KLHL29: variants seen among roughly 807,000 people sequenced by gnomAD.
KLHL29 encodes the protein kelch-like protein 29.
Under a neutral mutation model 80.4 loss-of-function variants are expected in KLHL29, and 21 were observed. That is an observed-to-expected ratio of 0.26 (90% CI 0.19 to 0.38). The LOEUF is 0.38. KLHL29 is among the 10% of genes least tolerant of loss of function. The pLI is 1.00. For missense variants in KLHL29, 867 were observed against 1,223.9 expected, an observed-to-expected ratio of 0.71 and a Z score of 4.35; for synonymous variants, 511 against 526.8, an observed-to-expected ratio of 0.97 and a Z score of 0.41.
chr2:23,648,249 AGG>A (rs1293414453), intron 5 of KLHL29, among the ~76,000 whole-genome samples: 1 of 152,126 alleles, frequency 6.6e-6, no homozygotes, highest in Non-Finnish European at 1.5e-5. Flanking sequence ...CATCTATAAA[AGG>A]GGGAGAAGAC....
At chr2:23,662,460 A>AGATAC (rs1303770226) in intron 5 of KLHL29, among the ~76,000 whole-genome samples, 4 of 152,154 alleles carry the variant, frequency 2.6e-5, no homozygotes, top group Non-Finnish European at 5.9e-5. Flanking sequence ...GGCCAAGATA[A>AGATAC]GCCTTTGGCC....
chr2:23,423,120 C>T (rs1263904380), intron 1 of KLHL29, among the ~76,000 whole-genome samples: 4 of 152,206 alleles, frequency 2.6e-5, no homozygotes, highest in Non-Finnish European at 5.9e-5. Flanking sequence ...GTGGGGTTGG[C>T]GGGCCCCGCA....
At chr2:23,463,708 C>A (rs1664277711) in intron 1 of KLHL29, among the ~76,000 whole-genome samples, 1 of 152,158 alleles carries the variant, frequency 6.6e-6, no homozygotes, top group Non-Finnish European at 1.5e-5. Context: ...AGCCGTAAGC[C>A]CCTTCTGACC....
intron 1 of KLHL29, among the ~76,000 whole-genome samples, chr2:23,428,145 G>A (rs1663056722): frequency 6.6e-6 from 1 of 152,208 alleles, no homozygotes; most frequent in Non-Finnish European, 1.5e-5. Flanking sequence ...CCTCATCCAC[G>A]ACAGCTGCCA....
chr2:23,488,431 A>G (rs942549858), intron 2 of KLHL29, among the ~76,000 whole-genome samples: 3 of 152,132 alleles, frequency 2.0e-5, no homozygotes, highest in African/African-American at 7.2e-5. Context: ...AGCCTCTACT[A>G]TGGGGCCTTG....
At chr2:23,465,972 G>A (rs928355362) in intron 1 of KLHL29, among the ~76,000 whole-genome samples, 2 of 152,008 alleles carry the variant, frequency 1.3e-5, no homozygotes, top group African/African-American at 4.8e-5. Context: ...ACTTTCATGT[G>A]TGTCTCAGAG....
In KLHL29 at chr2:23,706,467, C is replaced by G. The variant is rs1295635229; in HGVS notation, c.2445-14C>G. 6.8e-7 allele frequency: 1 copy of G among 1,466,108 alleles called. No individual in the cohort carries two copies. The highest frequency in any genetic ancestry group is 9.0e-7 in the Non-Finnish European group (1 of 1,109,262). 90.8% of individuals were successfully genotyped at this position (1,466,108 alleles called of 1,614,324 possible). A position where few individuals can be genotyped will look rare whatever the true frequency, so the allele number is the denominator to read the frequency against. On this transcript the variant is annotated splice_polypyrimidine_tract_variant and intron_variant, in intron 13 of 13. Coordinates refer to ENST00000486442, the MANE Select transcript of KLHL29 (RefSeq NM_052920.2). Reference sequence around the variant, plus strand: ...AGTGAAATGCCTAACTCTGTCCCCGCTTTCCCCCAACAGTGCTGTGGTGCT... The same window carrying G: ...AGTGAAATGCCTAACTCTGTCCCCGGTTTCCCCCAACAGTGCTGTGGTGCT...
chr2:23,694,991 C>G (rs1468102141), intron 8 of KLHL29, among the ~76,000 whole-genome samples: 2 of 152,106 alleles, frequency 1.3e-5, no homozygotes, highest in Admixed American at 6.5e-5. Flanking sequence ...ATGGTGGTCT[C>G]GTTACTCATG....
chr2:23,397,319 C>G (rs553649633), intron 1 of KLHL29, among the ~76,000 whole-genome samples: 1 of 152,374 alleles, frequency 6.6e-6, no homozygotes, highest in South Asian at 2.1e-4. Flanking sequence ...GTGAGCAGGG[C>G]TTTTCAGAGC....
intron 1 of KLHL29, among the ~76,000 whole-genome samples, chr2:23,424,546 A>G (rs1390498443): frequency 1.3e-5 from 2 of 152,238 alleles, no homozygotes; most frequent in African/African-American, 2.4e-5. Context: ...TGAGGAGCCT[A>G]AGAATGATAA....
In KLHL29 at chr2:23,611,954, C is replaced by G. The variant is rs542661116; in HGVS notation, c.286-27185C>G. ...AAATCCACCTTAAGTAAAGAGAGAC[C>G]AGAGAAAAAATGCAAAAAAAGGCGG... On this transcript the variant is annotated intron_variant, in intron 3 of 13. Transcript: ENST00000486442. Among the ~76,000 whole-genome samples the G allele has an allele frequency of 1.8e-4, 27 of 148,914 alleles. No homozygotes were observed. In the East Asian group the frequency reaches 4.9e-3, roughly 27 times the overall value.
intron 2 of KLHL29, among the ~76,000 whole-genome samples, chr2:23,484,996 A>G (rs1173485390): frequency 6.6e-6 from 1 of 152,118 alleles, no homozygotes; most frequent in Non-Finnish European, 1.5e-5. Context: ...CTCTGATGCC[A>G]TTATGCCATT....
In KLHL29 at chr2:23,696,709, C is replaced by T. The variant is rs1007445109; in HGVS notation, c.2105+196C>T. The T allele has an allele frequency of 1.9e-5, 10 of 529,790 alleles. No individual in the cohort carries two copies. The African/African-American group carries it at 2.0e-4, about 10-fold the overall frequency. The allele number at this position is 529,790 out of a possible 1,614,324, so 32.8% of individuals were successfully genotyped here. On this transcript the variant is annotated intron_variant, in intron 11 of 13. Transcript: ENST00000486442. This position sits in a 1 kb window ranked among gnomAD's most constrained non-coding sequence, Gnocchi z 5.5. The stretch of plus-strand genomic sequence containing the variant: ...TGTGGGATACAAGCAGATGGGATGA[C>T]ATCTGTGTCACCTTTGCAGTCGCTG...
At chr2:23,692,710 C>T (rs944466612) in intron 7 of KLHL29, among the ~76,000 whole-genome samples, 2 of 151,826 alleles carry the variant, frequency 1.3e-5, no homozygotes, top group Non-Finnish European at 2.9e-5. Flanking sequence ...ATTGGGTAAA[C>T]AGGATACGGA....
chr2:23,626,130 C>G (rs750651816), intron 3 of KLHL29, among the ~76,000 whole-genome samples: 1 of 152,182 alleles, frequency 6.6e-6, no homozygotes. Flanking sequence ...TGAAACTATT[C>G]CACCTCCGAT....
intron 2 of KLHL29, among the ~76,000 whole-genome samples, chr2:23,513,639 T>A (rs773368376): frequency 2.6e-5 from 4 of 152,234 alleles, no homozygotes; most frequent in Non-Finnish European, 5.9e-5. Context: ...TAATCCAAAC[T>A]GACAGGATTG....
intron 2 of KLHL29, among the ~76,000 whole-genome samples, chr2:23,493,592 ACT>A (rs960735525): frequency 4.0e-5 from 6 of 151,846 alleles, no homozygotes; most frequent in African/African-American, 4.8e-5. Context: ...ATTAAATATG[ACT>A]CTATTCGAAT....
rs1164624049 is a variant in KLHL29, at chr2:23,439,417, G to A, written c.-153-36143G>A. On this transcript the variant is annotated intron_variant, in intron 1 of 13. Coordinates refer to ENST00000486442, the MANE Select transcript of KLHL29 (RefSeq NM_052920.2). The stretch of plus-strand genomic sequence containing the variant: ...ATTGTGATGTTAGGGTGTCAATTTT[G>A]GATCTTTCCTGCTTTCTCTTGTGGG... Among the ~76,000 whole-genome samples, 4 of 150,650 alleles carry A rather than the reference G, an allele frequency of 2.7e-5. No individual in the cohort carries two copies. In the East Asian group the frequency reaches 5.8e-4, roughly 22 times the overall value.
At chr2:23,443,627 T>G (rs1044929493) in intron 1 of KLHL29, among the ~76,000 whole-genome samples, 1 of 152,218 alleles carries the variant, frequency 6.6e-6, no homozygotes, top group African/African-American at 2.4e-5. Flanking sequence ...GTATCTCCTG[T>G]AAATTGAAAG....
Sources: allele counts gnomAD v4.1 joint callset (sites outside exome capture counted in the v4.1 genomes callset), GRCh38; gene constraint gnomAD v4.1.1; non-coding constraint Gnocchi (gnomAD v3.1); transcripts MANE v1.5; gene names NCBI Gene and HGNC (gene_info 2026-07-23, HGNC 2026-07-21).